COA8: variants seen among roughly 807,000 people sequenced by gnomAD.
The protein encoded by COA8 is cytochrome c oxidase assembly factor 8.
Under a neutral mutation model 22.0 loss-of-function variants are expected in COA8, and 20 were observed. The observed-to-expected ratio is 0.91, with a 90% CI of 0.64 to 1.32. The LOEUF is 1.32. Ranked by LOEUF, COA8 falls within the 40% of genes most tolerant of loss-of-function variation. COA8 has a pLI of 0.00. For synonymous variants in COA8, 105 were observed against 79.9 expected (o/e 1.31, Z -1.68); for missense variants, 266 against 230.0 (o/e 1.16, Z -1.01).
chr14:103,579,645 G>A (rs961106442), intron 3 of COA8, among the ~76,000 whole-genome samples: 6 of 150,004 alleles, frequency 4.0e-5, no homozygotes, highest in Middle Eastern at 3.2e-3. Flanking sequence ...CACCGCGCCC[G>A]GCCAAAAATA....
At chr14:103,574,361 C>A in intron 3 of COA8, 191 bp downstream of exon 3, 1 of 767,002 alleles carries the variant, frequency 1.3e-6, no homozygotes. Context: ...TCTCCAATCT[C>A]AGCTCCCTCC....
At chr14:103,583,099 G>T (rs1199895841) in intron 3 of COA8, among the ~76,000 whole-genome samples, 1 of 151,730 alleles carries the variant, frequency 6.6e-6, no homozygotes, top group Non-Finnish European at 1.5e-5. Context: ...TTTTTTTAAT[G>T]GCTGTATAAT....
intron 1 of COA8, among the ~76,000 whole-genome samples, chr14:103,568,757 G>A (rs995546045): frequency 2.6e-5 from 4 of 151,680 alleles, no homozygotes; most frequent in African/African-American, 9.7e-5. Context: ...AGCCTCCCAA[G>A]TAGCTGGGAT....
intron 3 of COA8, among the ~76,000 whole-genome samples, chr14:103,583,457 G>A (rs780965716): frequency 1.4e-4 from 21 of 149,162 alleles, no homozygotes; most frequent in Non-Finnish European, 2.7e-4. Context: ...AGGAGAATTT[G>A]CTGGAACCCG....
At chr14:103,571,551 A>C (rs2076184262) in intron 1 of COA8, 72 bp from the exon 2 acceptor site, 1 of 1,418,302 alleles carries the variant, frequency 7.1e-7, no homozygotes, top group African/African-American at 1.4e-5. Flanking sequence ...TAAATAAATA[A>C]ATCCAGATTG....
At position 103,585,878 on chromosome 14, in the gene COA8, C is replaced by T. The variant is rs1324761906; in HGVS notation, c.386-1396C>T. Among the ~76,000 whole-genome samples the T allele has an allele frequency of 4.1e-5, 6 of 148,108 alleles. No homozygotes were observed. The East Asian group carries it at 1.0e-3, about 25-fold the overall frequency. On this transcript the variant is annotated intron_variant, in intron 3 of 4. Coordinates refer to ENST00000409074, the MANE Select transcript of COA8 (RefSeq NM_001370595.2). ...CGTGAGCCACCATGCCCGGCCCGGC[C>T]CTTTTTTGTTGTTTTTTGTTTTTTT...
chr14:103,563,199 T>C (rs995494165), intron 1 of COA8, 75 bp downstream of exon 1: 182 of 1,515,630 alleles, frequency 1.2e-4, no homozygotes, highest in Non-Finnish European at 1.6e-4. Flanking sequence ...TCGGGGCCAC[T>C]CCCTGTTCTG....
intron 1 of COA8, among the ~76,000 whole-genome samples, chr14:103,564,622 C>T (rs1272998671): frequency 1.5e-5 from 2 of 137,556 alleles, no homozygotes; most frequent in East Asian, 4.3e-4. Context: ...CTCTGTCGCC[C>T]AGGTGGGAGT....
In COA8 at chr14:103,581,812, CTCCTG is replaced by C. The variant is rs2076269253; in HGVS notation, c.386-5454_386-5450del. On this transcript the variant is annotated intron_variant, in intron 3 of 4. Coordinates refer to ENST00000409074, the MANE Select transcript of COA8 (RefSeq NM_001370595.2). This position sits in a 1 kb window ranked among gnomAD's most constrained non-coding sequence, Gnocchi z 4.1. Reference sequence around the variant, plus strand: ...GCCCGGGCGGCCAGAGGACACGTGGCTCCTGTCCTGTCTGCCGTGTGGCTAGGGGA... The same window carrying C: ...GCCCGGGCGGCCAGAGGACACGTGGCTCCTGTCTGCCGTGTGGCTAGGGGA... Among the ~76,000 whole-genome samples the C allele has an allele frequency of 6.6e-6, 1 of 152,238 alleles. No homozygotes were observed. The highest frequency in any genetic ancestry group is 2.1e-4 in the South Asian group (1 of 4,834).
chr14:103,582,501 C>T (rs1411288273), intron 3 of COA8, among the ~76,000 whole-genome samples: 1 of 152,178 alleles, frequency 6.6e-6, no homozygotes, highest in Non-Finnish European at 1.5e-5. Flanking sequence ...CAGGCCGGGA[C>T]CTGTCCCAGG....
chr14:103,573,638 C>T lies in COA8; in HGVS notation c.322-469C>T, dbSNP rs1375945133. Among the ~76,000 whole-genome samples, 7 of 152,056 alleles carry T rather than the reference C, an allele frequency of 4.6e-5. No homozygotes were observed. In the East Asian group the frequency reaches 7.7e-4, roughly 17 times the overall value. ...CGTGATCTCGGCTCACTGCAACCTC[C>T]GCCTCCTGGGTTCAAGCAGTTCTCC... is the stretch of plus-strand genomic sequence containing the variant. On this transcript the variant is annotated intron_variant, in intron 2 of 4. Transcript: ENST00000409074.
At position 103,563,364 on chromosome 14, in the gene COA8, G is replaced by C. The variant is rs764284885; in HGVS notation, c.123+240G>C. 1.7e-4 allele frequency: 116 copies of C among 683,828 alleles called. No individual in the cohort carries two copies. The South Asian group carries it at 1.7e-3, about 10-fold the overall frequency. 42.4% of individuals were successfully genotyped at this position (683,828 alleles called of 1,614,324 possible). A position where few individuals can be genotyped will look rare whatever the true frequency, so the allele number is the denominator to read the frequency against. On this transcript the variant is annotated intron_variant, in intron 1 of 4. Coordinates refer to ENST00000409074, the MANE Select transcript of COA8 (RefSeq NM_001370595.2). Reference sequence around the variant, plus strand: ...CTGTTGACAGCCAGAACCTTTAAGCGTAACAGAGTCACCTGGCAAGTTTGT... The same window carrying C: ...CTGTTGACAGCCAGAACCTTTAAGCCTAACAGAGTCACCTGGCAAGTTTGT...
rs568339825 is a variant in COA8, at chr14:103,573,413, C to T, written c.322-694C>T. The stretch of plus-strand genomic sequence containing the variant: ...TTGAACCCCTGACCTTCAGGTGATT[C>T]GCCTGCCTTGGCCTCCCAAAGTGCT... On this transcript the variant is annotated intron_variant, in intron 2 of 4. Coordinates refer to ENST00000409074, the MANE Select transcript of COA8 (RefSeq NM_001370595.2). Among the ~76,000 whole-genome samples, 14 of 152,182 alleles carry T rather than the reference C, an allele frequency of 9.2e-5. No individual in the cohort carries two copies. In the East Asian group the frequency reaches 1.8e-3, roughly 19 times the overall value.
intron 1 of COA8, among the ~76,000 whole-genome samples, chr14:103,569,626 C>T (rs1245919458): frequency 6.6e-6 from 1 of 152,152 alleles, no homozygotes; most frequent in Non-Finnish European, 1.5e-5. Flanking sequence ...TGCAGACACC[C>T]GGGTCAGCTC....
chr14:103,575,523 T>C (rs1053135669), intron 3 of COA8, among the ~76,000 whole-genome samples: 3 of 152,096 alleles, frequency 2.0e-5, no homozygotes, highest in African/African-American at 7.2e-5. Context: ...CCAGAGCACA[T>C]GTCTTGTACA....
chr14:103,574,191 GT>G (rs562504344), intron 3 of COA8, 21 bp downstream of exon 3: 4 of 1,492,800 alleles, frequency 2.7e-6, no homozygotes, highest in Non-Finnish European at 1.8e-6. Context: ...TTGTTTGATT[GT>G]TTTTTTTGCT....
chr14:103,563,158 G>A, intron 1 of COA8, 34 bp downstream of exon 1: 2 of 1,539,402 alleles, frequency 1.3e-6, no homozygotes, highest in Non-Finnish European at 1.7e-6. Context: ...GGGCCGGGAG[G>A]GGTGACCGGA....
intron 3 of COA8, chr14:103,574,697 T>C (rs1031184742): frequency 5.1e-5 from 16 of 313,312 alleles, no homozygotes; most frequent in Non-Finnish European, 8.7e-5. Context: ...ACCTGATTCA[T>C]TTGGAATAAA....
intron 1 of COA8, 180 bp downstream of exon 1, chr14:103,563,304 T>A: frequency 1.2e-6 from 1 of 860,200 alleles, no homozygotes; most frequent in Non-Finnish European, 1.9e-6. Flanking sequence ...CTCAGTCGGA[T>A]GGGACTGAGG....
Sources: gnomAD v4.1 joint callset for allele counts (sites outside exome capture counted in the v4.1 genomes callset) on GRCh38, gnomAD v4.1.1 for gene constraint, Gnocchi (gnomAD v3.1) non-coding constraint, MANE v1.5 for transcripts, NCBI Gene and HGNC (gene_info 2026-07-23, HGNC 2026-07-21) for gene names.